Variants in FFAR4 observed in about 807,000 individuals in gnomAD.
The protein encoded by FFAR4 is G-protein coupled receptor 120.
Under a neutral mutation model 27.0 loss-of-function variants are expected in FFAR4, and 19 were observed. The observed-to-expected ratio is 0.70, with a 90% confidence interval of 0.49 to 1.03. The LOEUF (loss-of-function observed/expected upper bound fraction) is 1.03. Among genes scored for constraint, FFAR4 ranks in the 50% least tolerant of loss-of-function variants. The pLI is 0.00. For missense variants in FFAR4, 476 were observed against 479.0 expected (o/e 0.99, Z 0.06); for synonymous variants, 254 against 215.6 (o/e 1.18, Z -1.56).
intron 1 of FFAR4, among the ~76,000 whole-genome samples, chr10:93,573,408 A>C (rs948860538): frequency 6.6e-6 from 1 of 152,236 alleles, no homozygotes; most frequent in Non-Finnish European, 1.5e-5. Context: ...AATAGGACTC[A>C]CATCCCCACC....
chr10:93,572,546 G>C (rs1376032761), intron 1 of FFAR4, among the ~76,000 whole-genome samples: 1 of 152,160 alleles, frequency 6.6e-6, no homozygotes, highest in Non-Finnish European at 1.5e-5. Flanking sequence ...TCTTGGTAAG[G>C]GTTGGGGGTA....
Position 93,587,910 on chromosome 10 carries a change from A to AC in FFAR4, c.*306dup, listed in dbSNP as rs201313858. 4,193 of 209,050 alleles carry AC rather than the reference A, an allele frequency of 0.02. 225 individuals are homozygous for AC. Among genetic ancestry groups the AC allele is most frequent in the African/African-American group, 0.092 (3,973 of 42,982 alleles). 12.9% of individuals were successfully genotyped at this position (209,050 alleles called of 1,614,324 possible). ...AGACCAACCTGACCAACATGGTGAG[A>AC]CCCCCGTCTCTACTAAAAATAAAAA... On this transcript the variant is annotated 3_prime_UTR_variant, in exon 3 of 3. Transcript: ENST00000371481.
At chr10:93,571,480 A>G (rs1363348033) in intron 1 of FFAR4, among the ~76,000 whole-genome samples, 1 of 152,144 alleles carries the variant, frequency 6.6e-6, no homozygotes, top group Non-Finnish European at 1.5e-5. Context: ...CAGAATTGCA[A>G]GAGATGGAAC....
At chr10:93,580,832 C>T (rs56411748) in intron 2 of FFAR4, among the ~76,000 whole-genome samples, 7,598 of 152,302 alleles carry the variant, frequency 0.05, 267 homozygotes, top group South Asian at 0.15. Flanking sequence ...CATCCTTCTG[C>T]CCTCCCTGCT....
intron 2 of FFAR4, among the ~76,000 whole-genome samples, chr10:93,581,818 G>A (rs764576721): frequency 5.3e-5 from 8 of 152,136 alleles, no homozygotes; most frequent in Non-Finnish European, 8.8e-5. Context: ...CTCGGTGGCC[G>A]TGGACCACAT....
chr10:93,586,513 C>T (rs933535226), intron 2 of FFAR4, among the ~76,000 whole-genome samples: 3 of 152,152 alleles, frequency 2.0e-5, no homozygotes, highest in African/African-American at 7.2e-5. Context: ...TCAGCTGCTA[C>T]CTCCCCAAAC....
Position 93,576,222 on chromosome 10 carries a change from A to T in FFAR4, c.696+3A>T, listed in dbSNP as rs1188254158. 1 of 1,613,858 alleles carries T rather than the reference A, an allele frequency of 6.2e-7. No individual in the cohort carries two copies. The highest frequency in any genetic ancestry group is 8.5e-7 in the Non-Finnish European group (1 of 1,179,930). On this transcript the variant is annotated splice_donor_region_variant and intron_variant, in intron 2 of 2. Transcript: ENST00000371481. The stretch of plus-strand genomic sequence containing the variant: ...TCAGTTACTCCAAAATTTTACAGGT[A>T]TGTTTTCTGCAAGTGCTGCCACTGA...
intron 1 of FFAR4, among the ~76,000 whole-genome samples, chr10:93,570,644 A>T (rs577554580): frequency 6.6e-6 from 1 of 152,312 alleles, no homozygotes; most frequent in African/African-American, 2.4e-5. Flanking sequence ...TGCCCCTTAG[A>T]GCTTCTGCCG....
At chr10:93,568,789 G>C (rs1368064471) in intron 1 of FFAR4, among the ~76,000 whole-genome samples, 2 of 152,070 alleles carry the variant, frequency 1.3e-5, no homozygotes, top group Non-Finnish European at 2.9e-5. Context: ...TGTTTCTAAT[G>C]CTTGTGTGGA....
rs951540795 is a variant in FFAR4, at chr10:93,590,045, G to A, written c.*2436G>A. On this transcript the variant is annotated 3_prime_UTR_variant, in exon 3 of 3. Coordinates refer to ENST00000371481, the MANE Select transcript of FFAR4 (RefSeq NM_001195755.2). ...TTTGCTCACTTTAGTTAATAGATTT[G>A]ATCAATTAAACCTGTTTTTGGAAGT... The A allele has an allele frequency of 6.6e-6, 1 of 152,198 alleles. No individual in the cohort carries two copies. Among genetic ancestry groups the A allele is most frequent in the East Asian group, 1.9e-4 (1 of 5,204 alleles). The allele number at this position is 152,198 out of a possible 1,614,324, so 9.4% of individuals were successfully genotyped here. A position where few individuals can be genotyped will look rare whatever the true frequency, so the allele number is the denominator to read the frequency against.
At chr10:93,576,629 A>G (rs2058165651) in intron 2 of FFAR4, among the ~76,000 whole-genome samples, 1 of 152,170 alleles carries the variant, frequency 6.6e-6, no homozygotes, top group South Asian at 2.1e-4. Flanking sequence ...AAATGGTCAA[A>G]TGGTTATCTG....
chr10:93,569,761 A>T (rs949050601), intron 1 of FFAR4, among the ~76,000 whole-genome samples: 11 of 111,262 alleles, frequency 9.9e-5, no homozygotes, highest in East Asian at 4.8e-4. Context: ...GCTTGAAATT[A>T]AAAAAAAAAA....
At chr10:93,573,019 C>T (rs767997611) in intron 1 of FFAR4, among the ~76,000 whole-genome samples, 7 of 152,200 alleles carry the variant, frequency 4.6e-5, no homozygotes, top group Non-Finnish European at 1.0e-4. Flanking sequence ...CTCCAGCCTC[C>T]CTATGCCCCT....
chr10:93,587,656 C>T lies in FFAR4; in HGVS notation c.*47C>T, dbSNP rs563830733. ...CTCACACCTGGCGAGCTGTGGCATGCTTTTAAACAGAGTTCATTTCCAGTA... is the reference window on the plus strand; with the variant it reads ...CTCACACCTGGCGAGCTGTGGCATGTTTTTAAACAGAGTTCATTTCCAGTA... On this transcript the variant is annotated 3_prime_UTR_variant, in exon 3 of 3. Transcript: ENST00000371481. 5 of 1,565,268 alleles carry T rather than the reference C, an allele frequency of 3.2e-6. No homozygotes were observed. The highest frequency in any genetic ancestry group is 3.5e-5 in the Admixed American group (2 of 57,414).
At chr10:93,579,170 C>T (rs2058184760) in intron 2 of FFAR4, 2 of 1,614,012 alleles carry the variant, frequency 1.2e-6, no homozygotes, top group African/African-American at 1.3e-5. Context: ...CCTCGGAACA[C>T]CTCCTGGATG....
chr10:93,572,037 A>C (rs1038166673), intron 1 of FFAR4, among the ~76,000 whole-genome samples: 1 of 152,130 alleles, frequency 6.6e-6, no homozygotes, highest in African/African-American at 2.4e-5. Flanking sequence ...CCTCAAGGGG[A>C]GTCTCCTTAG....
intron 2 of FFAR4, 141 bp downstream of exon 2, chr10:93,576,360 G>A: frequency 1.3e-6 from 1 of 750,392 alleles, no homozygotes; most frequent in African/African-American, 1.7e-5. Context: ...CTACAACACT[G>A]AGGAAGGAGA....
intron 1 of FFAR4, among the ~76,000 whole-genome samples, chr10:93,573,000 A>G (rs2058140697): frequency 6.6e-6 from 1 of 152,162 alleles, no homozygotes. Flanking sequence ...TTCTGCTCTG[A>G]CAGCTGAGCT....
At chr10:93,578,499 A>C (rs1351642898) in intron 2 of FFAR4, among the ~76,000 whole-genome samples, 1 of 151,890 alleles carries the variant, frequency 6.6e-6, no homozygotes, top group African/African-American at 2.4e-5. Context: ...TTATTTTAAT[A>C]ATCTGGGTTT....
Sources: gnomAD v4.1 joint callset for allele counts (sites outside exome capture counted in the v4.1 genomes callset) on GRCh38, gnomAD v4.1.1 for gene constraint, MANE v1.5 for transcripts, NCBI Gene and HGNC (gene_info 2026-07-23, HGNC 2026-07-21) for gene names.